The following EBPL variants were observed in gnomAD, a reference collection of about 807,000 sequenced individuals.
EBPL encodes the protein EBP like.
In EBPL, 20 loss-of-function variants were observed where a neutral mutation model predicts 19.0. The ratio of observed to expected loss-of-function variants is 1.05; its 90% CI spans 0.74 to 1.53. The LOEUF (loss-of-function observed/expected upper bound fraction) is 1.53, where lower values mean the gene tolerates loss of function less well. EBPL is among the 40% of genes most tolerant of loss of function. The probability of loss-of-function intolerance (pLI) is 0.00; values close to 1 mark genes in which losing one functional copy is unlikely to be tolerated. For synonymous variants in EBPL, 107 were observed against 117.0 expected (o/e 0.91, Z 0.55); for missense variants, 219 against 261.1 (o/e 0.84, Z 1.11).
intron 1 of EBPL, among the ~76,000 whole-genome samples, chr13:49,685,081 C>G (rs143577601): frequency 6.6e-6 from 1 of 151,992 alleles, no homozygotes; most frequent in African/African-American, 2.4e-5. Context: ...AATTTTTGTA[C>G]GCACCTGGTC....
At chr13:49,686,913 A>T (rs1594418240) in intron 1 of EBPL, among the ~76,000 whole-genome samples, 5 of 152,164 alleles carry the variant, frequency 3.3e-5, no homozygotes, top group Admixed American at 3.3e-4. Context: ...CTCCTACTTC[A>T]GCCTTCTGAG....
chr13:49,669,177 C>T (rs1184438891), intron 2 of EBPL, among the ~76,000 whole-genome samples: 1 of 152,094 alleles, frequency 6.6e-6, no homozygotes, highest in African/African-American at 2.4e-5. Context: ...CCATGCCCGG[C>T]CATTCACTAC....
chr13:49,691,466 G>T lies in EBPL; in HGVS notation c.-42C>A, dbSNP rs746855672. The T allele has an allele frequency of 1.5e-6, 2 of 1,290,424 alleles. No homozygotes were observed. The highest frequency in any genetic ancestry group is 2.0e-6 in the Non-Finnish European group (2 of 1,017,556). 79.9% of individuals were successfully genotyped at this position (1,290,424 alleles called of 1,614,324 possible). A position where few individuals can be genotyped will look rare whatever the true frequency, so the allele number is the denominator to read the frequency against. On this transcript the variant is annotated 5_prime_UTR_variant, in exon 1 of 4. It adds an upstream start codon to the 5' untranslated region. Transcript: ENST00000242827. ...GCCAACGGCCCAGGACCATGCGGCA[G>T]AGGAAAGCAGGGAGAGAAACGACGG...
intron 1 of EBPL, among the ~76,000 whole-genome samples, chr13:49,673,999 A>ACACACACCAC (rs1953849071): frequency 6.6e-6 from 1 of 151,706 alleles, no homozygotes; most frequent in Non-Finnish European, 1.5e-5. Context: ...ACACCACACA[A>ACACACACCAC]AGAAACTGAC....
At chr13:49,665,176 T>C (rs930584579) in intron 2 of EBPL, among the ~76,000 whole-genome samples, 1 of 150,978 alleles carries the variant, frequency 6.6e-6, no homozygotes, top group Non-Finnish European at 1.5e-5. Flanking sequence ...AATGGCATGA[T>C]CTCGGCTCAC....
At chr13:49,676,656 C>T (rs187417818) in intron 1 of EBPL, among the ~76,000 whole-genome samples, 11 of 152,148 alleles carry the variant, frequency 7.2e-5, no homozygotes, top group Admixed American at 2.0e-4. Context: ...TGAATCCTTC[C>T]TTCCTCGGTG....
At chr13:49,689,338 G>C (rs1954034945) in intron 1 of EBPL, among the ~76,000 whole-genome samples, 1 of 152,146 alleles carries the variant, frequency 6.6e-6, no homozygotes, top group Non-Finnish European at 1.5e-5. Context: ...GTTTGTCTAA[G>C]GTATGTTAAA....
intron 2 of EBPL, chr13:49,668,356 G>A (rs751807580): frequency 1.1e-4 from 24 of 223,262 alleles, no homozygotes; most frequent in African/African-American, 1.7e-4. Context: ...GGCAGATCAC[G>A]AGGTCAGGAG....
chr13:49,690,074 C>G (rs1356977559), intron 1 of EBPL, among the ~76,000 whole-genome samples: 1 of 150,462 alleles, frequency 6.6e-6, no homozygotes, highest in Non-Finnish European at 1.5e-5. Flanking sequence ...AGCTTTAACC[C>G]AAGGGGCGGA....
chr13:49,683,601 G>A (rs1284836548), intron 1 of EBPL, among the ~76,000 whole-genome samples: 1 of 152,128 alleles, frequency 6.6e-6, no homozygotes, highest in Non-Finnish European at 1.5e-5. Context: ...ACCCGATCTG[G>A]TACTGCATTT....
chr13:49,670,075 T>C (rs1214252630), intron 1 of EBPL, among the ~76,000 whole-genome samples: 2 of 152,242 alleles, frequency 1.3e-5, no homozygotes, highest in South Asian at 4.1e-4. Context: ...ATGTTGTTTT[T>C]CAATGATTGG....
At chr13:49,680,420 A>C (rs1953929509) in intron 1 of EBPL, among the ~76,000 whole-genome samples, 1 of 152,230 alleles carries the variant, frequency 6.6e-6, no homozygotes, top group Admixed American at 6.5e-5. Context: ...CAAAAACAGA[A>C]GAAAAAGTGA....
At chr13:49,663,660 A>G (rs943761258) in intron 2 of EBPL, among the ~76,000 whole-genome samples, 32 of 152,206 alleles carry the variant, frequency 2.1e-4, no homozygotes, top group African/African-American at 7.5e-4. Flanking sequence ...GTTTATGGCC[A>G]GGCACGGTGG....
chr13:49,678,375 G>A (rs897708251), intron 1 of EBPL, among the ~76,000 whole-genome samples: 3 of 152,230 alleles, frequency 2.0e-5, no homozygotes, highest in Admixed American at 2.0e-4. Context: ...AGGTCGCTGC[G>A]GAGCAGGGGG....
intron 2 of EBPL, among the ~76,000 whole-genome samples, chr13:49,667,026 A>G (rs1965239244): frequency 6.6e-6 from 1 of 152,066 alleles, no homozygotes; most frequent in South Asian, 2.1e-4. Context: ...TGGAGCTGAG[A>G]GGTAGCGTGT....
chr13:49,679,314 G>T (rs1953917070), intron 1 of EBPL, among the ~76,000 whole-genome samples: 1 of 152,184 alleles, frequency 6.6e-6, no homozygotes. Context: ...CACAACGTAT[G>T]ATAGAGATCC....
chr13:49,666,120 G>C (rs11617604), intron 2 of EBPL, among the ~76,000 whole-genome samples: 24,927 of 152,190 alleles, frequency 0.16, 2,252 homozygotes, highest in South Asian at 0.26. Flanking sequence ...ACAGTGTTCG[G>C]GCAGGGGCCA....
chr13:49,661,998 C>T (rs2137480160), intron 3 of EBPL: 3 of 1,393,690 alleles, frequency 2.2e-6, no homozygotes, highest in Non-Finnish European at 2.0e-6. Context: ...ATAATTTTTT[C>T]ATCCTTTTTT....
chr13:49,673,668 C>T (rs1458657884), intron 1 of EBPL, among the ~76,000 whole-genome samples: 1 of 152,132 alleles, frequency 6.6e-6, no homozygotes, highest in African/African-American at 2.4e-5. Context: ...AACTCCTGAC[C>T]TCAAGCGATC....
Sources: gnomAD v4.1 joint callset for allele counts (sites outside exome capture counted in the v4.1 genomes callset) on GRCh38, gnomAD v4.1.1 for gene constraint, MANE v1.5 for transcripts, NCBI Gene and HGNC (gene_info 2026-07-23, HGNC 2026-07-21) for gene names.